PTPN4: variants seen among roughly 807,000 people sequenced by gnomAD.
PTPN4 encodes tyrosine-protein phosphatase non-receptor type 4.
A neutral mutation model predicts 135.5 loss-of-function variants in PTPN4; 49 were observed. The observed-to-expected ratio is 0.36, with a 90% CI of 0.29 to 0.46. The LOEUF (loss-of-function observed/expected upper bound fraction) is 0.46. Among genes scored for constraint, PTPN4 ranks in the 20% least tolerant of loss-of-function variants. PTPN4 has a pLI of 1.00. For missense variants in PTPN4, 860 were observed against 1,101.0 expected, an observed-to-expected ratio of 0.78 and a Z score of 3.10; for synonymous variants, 333 against 369.9, an observed-to-expected ratio of 0.90 and a Z score of 1.14.
At chr2:119,923,900 G>A (rs1678774016) in intron 12 of PTPN4, among the ~76,000 whole-genome samples, 1 of 152,116 alleles carries the variant, frequency 6.6e-6, no homozygotes, top group African/African-American at 2.4e-5. Flanking sequence ...CACTTTGGGA[G>A]GTCGAGGCGG....
chr2:119,877,527 A>G lies in PTPN4; in HGVS notation c.353A>G (p.Gln118Arg). 1 of 1,609,410 alleles carries G rather than the reference A, an allele frequency of 6.2e-7. No individual in the cohort carries two copies. The highest frequency in any genetic ancestry group is 8.5e-7 in the Non-Finnish European group (1 of 1,178,594). Reference protein sequence around the residue: ...KFFVSDPNKLQEEYTRYQYFL... With the variant: ...KFFVSDPNKLREEYTRYQYFL... ...TTTGTAAGTGACCCCAACAAGTTAC[A>G]AGAAGAATATACAAGGTGGGTTTAT... Residue 118 changes from glutamine (Q) to arginine (R), a missense_variant, in exon 5 of 27, where the codon CAA becomes CGA. Around this residue, in one of 2 missense-constraint regions of PTPN4, gnomAD observed 684 missense variants for 807.0 expected, o/e 0.85. Transcript: ENST00000263708.
intron 2 of PTPN4, among the ~76,000 whole-genome samples, chr2:119,859,985 T>A (rs1264471020): frequency 6.6e-6 from 1 of 152,208 alleles, no homozygotes; most frequent in Admixed American, 6.5e-5. Flanking sequence ...CTATTAGCAT[T>A]TCTGGGTAAC....
chr2:119,916,413 G>C (rs570704564), intron 11 of PTPN4: 1 of 152,110 alleles, frequency 6.6e-6, no homozygotes, highest in East Asian at 1.9e-4. Context: ...CTGTTGTATT[G>C]GTCTACTACG....
chr2:119,838,320 C>T (rs1677327195), intron 2 of PTPN4, among the ~76,000 whole-genome samples: 3 of 152,006 alleles, frequency 2.0e-5, no homozygotes, highest in Admixed American at 6.6e-5. Context: ...ACAAGCCCAG[C>T]GGGTATGAGC....
intron 18 of PTPN4, among the ~76,000 whole-genome samples, chr2:119,947,791 C>CACA (rs1044854246): frequency 1.3e-5 from 2 of 151,474 alleles, no homozygotes; most frequent in Non-Finnish European, 2.9e-5. Context: ...CACACACACA[C>CACA]ATCAGATTGT....
intron 2 of PTPN4, among the ~76,000 whole-genome samples, chr2:119,812,917 G>A (rs895864898): frequency 1.3e-5 from 2 of 152,288 alleles, no homozygotes; most frequent in South Asian, 2.1e-4. Flanking sequence ...ACGTTAGCCT[G>A]TATGATGAAC....
chr2:119,828,677 C>T (rs1179348520), intron 2 of PTPN4, among the ~76,000 whole-genome samples: 1 of 152,178 alleles, frequency 6.6e-6, no homozygotes, highest in African/African-American at 2.4e-5. Flanking sequence ...GCATTTGTCC[C>T]ACATCTTCAA....
chr2:119,845,965 G>A (rs1483735196), intron 2 of PTPN4, among the ~76,000 whole-genome samples: 2 of 152,044 alleles, frequency 1.3e-5, no homozygotes, highest in Admixed American at 6.6e-5. Flanking sequence ...TTATGAGTGT[G>A]CTATTTAATA....
In PTPN4 at chr2:119,898,847, A is replaced by G. The variant is rs187085021; in HGVS notation, c.676-1871A>G. Among the ~76,000 whole-genome samples, 176 of 152,252 alleles carry G rather than the reference A, an allele frequency of 1.2e-3. 1 individual carries two copies. Among genetic ancestry groups the G allele is most frequent in the Non-Finnish European group, 1.9e-3 (130 of 68,004 alleles). ...TCTATAATTTAAAACTTGAGTTCCT[A>G]CATATTTCTGAATATGTTATTTTTT... is the stretch of plus-strand genomic sequence containing the variant. On this transcript the variant is annotated intron_variant, in intron 9 of 26. Coordinates refer to ENST00000263708, the MANE Select transcript of PTPN4 (RefSeq NM_002830.4).
At chr2:119,811,796 A>T (rs1676883287) in intron 2 of PTPN4, among the ~76,000 whole-genome samples, 1 of 152,138 alleles carries the variant, frequency 6.6e-6, no homozygotes. Context: ...TGAGCACTTT[A>T]GTTAACAGTA....
At chr2:119,852,482 A>G (rs3106251) in intron 2 of PTPN4, among the ~76,000 whole-genome samples, 65,745 of 152,136 alleles carry the variant, frequency 0.43, 16,062 homozygotes, top group African/African-American at 0.67. Context: ...TGGCTACGCC[A>G]AGCACTTGTT....
At chr2:119,965,757 C>G in intron 25 of PTPN4, 112 bp downstream of exon 25, 1 of 1,264,492 alleles carries the variant, frequency 7.9e-7, no homozygotes, top group South Asian at 1.6e-5. Flanking sequence ...AATTAGAACT[C>G]AAAGCTATGC....
intron 1 of PTPN4, among the ~76,000 whole-genome samples, chr2:119,786,928 T>C (rs1303748615): frequency 1.3e-5 from 2 of 152,180 alleles, no homozygotes; most frequent in African/African-American, 4.8e-5. Flanking sequence ...CTACCTGGCT[T>C]TAGGTTGGGC....
intron 15 of PTPN4, among the ~76,000 whole-genome samples, chr2:119,943,213 T>G (rs1359475525): frequency 1.3e-5 from 2 of 152,230 alleles, no homozygotes; most frequent in African/African-American, 4.8e-5. Flanking sequence ...GCTGACTTCC[T>G]TGGCACTGAT....
chr2:119,782,180 G>T (rs1043192791), intron 1 of PTPN4, among the ~76,000 whole-genome samples: 7 of 152,202 alleles, frequency 4.6e-5, no homozygotes, highest in Middle Eastern at 3.4e-3. Flanking sequence ...ACTTTGGGAG[G>T]CCAAAGCGGG....
intron 2 of PTPN4, among the ~76,000 whole-genome samples, chr2:119,827,336 T>C (rs776836556): frequency 9.9e-5 from 15 of 152,226 alleles, no homozygotes; most frequent in Non-Finnish European, 2.2e-4. Context: ...TGTTTCAAAG[T>C]ACTAACTTTG....
chr2:119,969,080 A>G (rs1290820578), intron 26 of PTPN4, among the ~76,000 whole-genome samples: 2 of 151,948 alleles, frequency 1.3e-5, no homozygotes, highest in Non-Finnish European at 2.9e-5. Context: ...CTGGTATGCA[A>G]TGGTGTGATC....
intron 1 of PTPN4, among the ~76,000 whole-genome samples, chr2:119,789,566 T>A (rs1392112482): frequency 6.6e-6 from 1 of 152,238 alleles, no homozygotes. Flanking sequence ...GGTTTATTTC[T>A]ACATCCCATC....
chr2:119,896,328 CAGGT>C (rs1678323112), intron 9 of PTPN4, among the ~76,000 whole-genome samples: 1 of 152,108 alleles, frequency 6.6e-6, no homozygotes, highest in Non-Finnish European at 1.5e-5. Context: ...TTTTAATCTA[CAGGT>C]TGTTGCTTCT....
Sources: allele counts gnomAD v4.1 joint callset (sites outside exome capture counted in the v4.1 genomes callset), GRCh38; gene constraint gnomAD v4.1.1; regional missense constraint gnomAD v4.1.1; transcripts MANE v1.5; gene names NCBI Gene and HGNC (gene_info 2026-07-23, HGNC 2026-07-21).